Variants in PIK3R4 observed in about 807,000 individuals in gnomAD.
The protein encoded by PIK3R4 is phosphoinositide 3-kinase regulatory subunit 4.
PIK3R4 carries 46 observed loss-of-function variants against 136.5 expected under a neutral mutation model. That is an observed-to-expected ratio of 0.34 (90% CI 0.27 to 0.43). The LOEUF (loss-of-function observed/expected upper bound fraction) is 0.43, where lower values mean the gene tolerates loss of function less well. Ranked by LOEUF, PIK3R4 falls within the 20% of genes least tolerant of loss-of-function variation. PIK3R4 has a pLI of 1.00. For missense variants in PIK3R4, 1,331 were observed against 1,649.5 expected (o/e 0.81, Z 3.35); for synonymous variants, 557 against 566.7 (o/e 0.98, Z 0.24).
chr3:130,746,626 G>A lies in PIK3R4; in HGVS notation c.-355C>T, dbSNP rs2066855860. 6.6e-6 allele frequency: 1 copy of A among 152,294 alleles called. No homozygotes were observed. Among genetic ancestry groups the A allele is most frequent in the Admixed American group, 6.5e-5 (1 of 15,280 alleles). The allele number at this position is 152,294 out of a possible 1,614,324, so 9.4% of individuals were successfully genotyped here. On this transcript the variant is annotated 5_prime_UTR_variant, in exon 1 of 20. Transcript: ENST00000356763. ...CCCTCCAGCCCCCTAACCTGCCCTG[G>A]GGGACATGCGTTCCCGGGCCTCGTC...
intron 14 of PIK3R4, 67 bp downstream of exon 14, chr3:130,690,423 A>T: frequency 9.7e-7 from 1 of 1,032,996 alleles, no homozygotes; most frequent in Non-Finnish European, 1.4e-6. Flanking sequence ...ATTGCAGGGT[A>T]GAAAGGAGAC....
chr3:130,703,475 C>T (rs991260630), intron 13 of PIK3R4, among the ~76,000 whole-genome samples: 15 of 152,172 alleles, frequency 9.9e-5, no homozygotes, highest in African/African-American at 2.7e-4. Flanking sequence ...ACTGCATTTC[C>T]TAGCTTCCTT....
At chr3:130,697,538 T>C (rs886154672) in intron 13 of PIK3R4, among the ~76,000 whole-genome samples, 1 of 152,228 alleles carries the variant, frequency 6.6e-6, no homozygotes, top group Non-Finnish European at 1.5e-5. Flanking sequence ...ATTTATAAGT[T>C]GTGATTGCTC....
rs769533810 is a variant in PIK3R4, at chr3:130,684,300, C to A, written c.3557G>T (p.Arg1186Leu). 2 of 1,613,388 alleles carry A rather than the reference C, an allele frequency of 1.2e-6. No homozygotes were observed. The highest frequency in any genetic ancestry group is 4.5e-5 in the East Asian group (2 of 44,868). Residue 1186 changes from arginine to leucine, a missense_variant, in exon 16 of 20, where the codon CGA becomes CTA. Physicochemically the swap from Arg to Leu is moderately radical, Grantham distance 102. This residue lies in a region of PIK3R4 where 1,180 missense variants were observed against 1,407.0 expected (regional missense o/e 0.84). Transcript: ENST00000356763. ...ISSHCHPSRARIRRLSMHPLY... is the reference protein window; with the variant it reads ...ISSHCHPSRALIRRLSMHPLY... ...AGGGTGCATTGAGAGGCGTCTGATTCGAGCCCTGGAAGGATGACAGTGACT... is the reference window on the plus strand; with the variant it reads ...AGGGTGCATTGAGAGGCGTCTGATTAGAGCCCTGGAAGGATGACAGTGACT...
At chr3:130,717,174 T>C (rs2066669447) in intron 8 of PIK3R4, among the ~76,000 whole-genome samples, 2 of 152,044 alleles carry the variant, frequency 1.3e-5, no homozygotes, top group South Asian at 4.1e-4. Context: ...TTTTTTTTTT[T>C]CTGTGACTCT....
intron 13 of PIK3R4, among the ~76,000 whole-genome samples, chr3:130,698,649 G>A (rs957533647): frequency 6.6e-5 from 10 of 152,084 alleles, no homozygotes; most frequent in African/African-American, 2.4e-4. Flanking sequence ...TTTAATAGCT[G>A]ATTTAAAATC....
At position 130,733,971 on chromosome 3, in the gene PIK3R4, T is replaced by C. The variant is rs1182519382; in HGVS notation, c.1027A>G (p.Ile343Val). The change falls in exon 4 of 20, where the codon ATT becomes GTT. Residue 343 changes from isoleucine to valine, a missense_variant. By Grantham distance (29) the Ile-to-Val change is conservative. Transcript: ENST00000356763. ...CCCAAATCCTTCCGTATAACCAGAA[T>C]ACGCTCATCTGCAGAAAGAAACGTT... ...KETFLSADERILVIRKDLGNI... is the reference protein window; with the variant it reads ...KETFLSADERVLVIRKDLGNI... 1.9e-6 allele frequency: 3 copies of C among 1,614,152 alleles called. No individual in the cohort carries two copies. The highest frequency in any genetic ancestry group is 2.2e-5 in the East Asian group (1 of 44,890).
intron 9 of PIK3R4, among the ~76,000 whole-genome samples, chr3:130,714,741 T>C (rs545777402): frequency 1.3e-5 from 2 of 152,220 alleles, no homozygotes; most frequent in South Asian, 4.2e-4. Flanking sequence ...GGATGATGGC[T>C]TCCAGTTTCA....
chr3:130,698,103 G>A (rs2066556377), intron 13 of PIK3R4, among the ~76,000 whole-genome samples: 2 of 152,136 alleles, frequency 1.3e-5, no homozygotes. Flanking sequence ...CCTTGTATGT[G>A]ATGAGTCACT....
At chr3:130,736,137 C>A in intron 2 of PIK3R4, 135 bp from the exon 3 acceptor site, 1 of 558,560 alleles carries the variant, frequency 1.8e-6, no homozygotes, top group Non-Finnish European at 3.0e-6. Flanking sequence ...TTTAATGCAA[C>A]ATACAACTAC....
intron 8 of PIK3R4, among the ~76,000 whole-genome samples, 183 bp from the exon 9 acceptor site, chr3:130,716,782 T>C (rs1391581225): frequency 1.3e-5 from 2 of 150,494 alleles, no homozygotes; most frequent in East Asian, 2.0e-4. Context: ...AGGTATCTCT[T>C]ACTTTTCATT....
intron 9 of PIK3R4, among the ~76,000 whole-genome samples, chr3:130,712,974 T>C (rs1258027099): frequency 6.6e-6 from 1 of 152,198 alleles, no homozygotes; most frequent in Non-Finnish European, 1.5e-5. Flanking sequence ...TAGATTCAAA[T>C]GCCAACTCTG....
intron 9 of PIK3R4, among the ~76,000 whole-genome samples, chr3:130,715,081 C>G (rs1455035740): frequency 6.6e-6 from 1 of 150,634 alleles, no homozygotes; most frequent in African/African-American, 2.4e-5. Flanking sequence ...AAAAGTATTC[C>G]TATTTCTCCA....
At chr3:130,724,362 C>T (rs892517749) in intron 6 of PIK3R4, among the ~76,000 whole-genome samples, 3 of 152,034 alleles carry the variant, frequency 2.0e-5, no homozygotes, top group Non-Finnish European at 2.9e-5. Flanking sequence ...ACTGGCCTTG[C>T]TATAAACATA....
chr3:130,736,063 T>C (rs1353142191), intron 2 of PIK3R4, 61 bp from the exon 3 acceptor site: 5 of 1,376,812 alleles, frequency 3.6e-6, no homozygotes, highest in Middle Eastern at 4.4e-4. Context: ...GCAATATAGA[T>C]TGAGAACTCA....
intron 13 of PIK3R4, among the ~76,000 whole-genome samples, chr3:130,702,146 T>TAAAATA (rs1485929226): frequency 1.3e-5 from 2 of 151,566 alleles, no homozygotes; most frequent in Admixed American, 1.3e-4. Context: ...CTCTAAGAAA[T>TAAAATA]AAAATAAAAA....
intron 13 of PIK3R4, among the ~76,000 whole-genome samples, chr3:130,694,414 GTTTC>G (rs2066535713): frequency 1.3e-5 from 2 of 151,974 alleles, no homozygotes; most frequent in African/African-American, 2.4e-5. Context: ...TGAACATGGG[GTTTC>G]TTTCTATTCA....
chr3:130,739,802 C>T (rs907601750), intron 2 of PIK3R4, among the ~76,000 whole-genome samples: 2 of 152,130 alleles, frequency 1.3e-5, no homozygotes, highest in Non-Finnish European at 1.5e-5. Flanking sequence ...CACAAACAAC[C>T]ATCATTTGTT....
chr3:130,711,288 A>G (rs183046962), intron 9 of PIK3R4, among the ~76,000 whole-genome samples: 29 of 152,248 alleles, frequency 1.9e-4, no homozygotes, highest in Non-Finnish European at 3.4e-4. Flanking sequence ...ACAGGGCTAC[A>G]ATGCCTAAAA....
Sources: allele counts gnomAD v4.1 joint callset (sites outside exome capture counted in the v4.1 genomes callset), GRCh38; gene constraint gnomAD v4.1.1; regional missense constraint gnomAD v4.1.1; transcripts MANE v1.5; gene names NCBI Gene and HGNC (gene_info 2026-07-23, HGNC 2026-07-21).